The following ZHX2 variants were observed in gnomAD, a reference collection of about 807,000 sequenced individuals.
ZHX2 encodes the protein zinc fingers and homeoboxes 2.
A neutral mutation model predicts 21.9 loss-of-function variants in ZHX2; 6 were observed. The ratio of observed to expected loss-of-function variants is 0.27; its 90% CI spans 0.15 to 0.54. The LOEUF is 0.54. Among genes scored for constraint, ZHX2 ranks in the 20% least tolerant of loss-of-function variants. ZHX2 has a pLI of 0.95. For missense variants in ZHX2, 908 were observed against 1,090.7 expected (o/e 0.83, Z 2.36); for synonymous variants, 434 against 437.1 (o/e 0.99, Z 0.09).
At chr8:122,920,244 A>G (rs1354674343) in intron 2 of ZHX2, among the ~76,000 whole-genome samples, 1 of 152,226 alleles carries the variant, frequency 6.6e-6, no homozygotes, top group Non-Finnish European at 1.5e-5. Context: ...GTTGCACTCC[A>G]GCCTGAGCAA....
chr8:122,912,374 A>G (rs996778143), intron 2 of ZHX2, among the ~76,000 whole-genome samples: 2 of 152,190 alleles, frequency 1.3e-5, no homozygotes, highest in African/African-American at 2.4e-5. Flanking sequence ...TGGCCTTTCA[A>G]AGCAGCTCCT....
chr8:122,880,274 G>A (rs79757543), intron 2 of ZHX2, among the ~76,000 whole-genome samples: 4,118 of 151,998 alleles, frequency 0.027, 124 homozygotes, highest in African/African-American at 0.063. Context: ...GCACCCAGCT[G>A]TTATCTCATT....
intron 1 of ZHX2, among the ~76,000 whole-genome samples, chr8:122,784,169 G>A (rs546454610): frequency 6.6e-6 from 1 of 152,316 alleles, no homozygotes; most frequent in South Asian, 2.1e-4. Flanking sequence ...GCCCCACCCG[G>A]CGTTTCTCAT....
chr8:122,969,534 G>A (rs954955827), intron 3 of ZHX2, among the ~76,000 whole-genome samples: 2 of 151,990 alleles, frequency 1.3e-5, no homozygotes, highest in Non-Finnish European at 2.9e-5. Context: ...TTCTGCAAAC[G>A]AGTTATACGT....
chr8:122,899,148 C>T (rs543215166), intron 2 of ZHX2, among the ~76,000 whole-genome samples: 1 of 152,274 alleles, frequency 6.6e-6, no homozygotes, highest in South Asian at 2.1e-4. Context: ...CATACAGGTA[C>T]TCGTGAAATT....
At chr8:122,939,982 C>G (rs1235168035) in intron 2 of ZHX2, among the ~76,000 whole-genome samples, 1 of 152,172 alleles carries the variant, frequency 6.6e-6, no homozygotes, top group Non-Finnish European at 1.5e-5. Context: ...ACATCAGTGT[C>G]AAAGGTCCTC....
intron 1 of ZHX2, among the ~76,000 whole-genome samples, chr8:122,789,875 G>A (rs1258812936): frequency 6.6e-6 from 1 of 152,204 alleles, no homozygotes; most frequent in Non-Finnish European, 1.5e-5. Context: ...TTCTGAGTAT[G>A]TGGTGAATTT....
chr8:122,926,970 A>T (rs1820875117), intron 2 of ZHX2, among the ~76,000 whole-genome samples: 1 of 152,126 alleles, frequency 6.6e-6, no homozygotes, highest in South Asian at 2.1e-4. Context: ...ACTTCATCAC[A>T]TCTGCAGTAT....
chr8:122,955,186 G>A (rs1258517796), intron 3 of ZHX2, among the ~76,000 whole-genome samples: 7 of 150,528 alleles, frequency 4.7e-5, no homozygotes, highest in Admixed American at 2.7e-4. Context: ...AGTGCAAATC[G>A]AGGCCTGAAG....
chr8:122,955,552 G>T (rs1256996916), intron 3 of ZHX2, among the ~76,000 whole-genome samples: 3 of 152,098 alleles, frequency 2.0e-5, no homozygotes, highest in Admixed American at 1.3e-4. Context: ...CCTTGTTTTA[G>T]CCAGTTCCAT....
intron 1 of ZHX2, among the ~76,000 whole-genome samples, chr8:122,820,332 C>T (rs967065299): frequency 2.6e-5 from 4 of 152,078 alleles, no homozygotes; most frequent in Admixed American, 6.5e-5. Context: ...CCCTCAGAGG[C>T]GAGGAGATGG....
intron 2 of ZHX2, among the ~76,000 whole-genome samples, chr8:122,926,907 G>A (rs1257065548): frequency 2.0e-5 from 3 of 152,086 alleles, no homozygotes; most frequent in South Asian, 2.1e-4. Flanking sequence ...TGAGGATGGC[G>A]TTTAGGGCCC....
chr8:122,915,592 A>C (rs1393470224), intron 2 of ZHX2, among the ~76,000 whole-genome samples: 3 of 152,236 alleles, frequency 2.0e-5, no homozygotes, highest in Non-Finnish European at 2.9e-5. Context: ...CCTTGGCTTC[A>C]CGCTGCAAGA....
chr8:122,959,934 A>T (rs1374008177), intron 3 of ZHX2, among the ~76,000 whole-genome samples: 1 of 152,084 alleles, frequency 6.6e-6, no homozygotes, highest in Non-Finnish European at 1.5e-5. Context: ...CCTCATTTTC[A>T]GAGGAAGGAT....
Position 122,971,611 on chromosome 8 carries a change from C to CAAAAA in ZHX2, c.*5-1614_*5-1610dup, listed in dbSNP as rs56331425. ...ACTCTCCTTGCTGTTGGCCCCTGTA[C>CAAAAA]AAAAAAAAAAAAAAAAAAAAATTCC... On this transcript the variant is annotated intron_variant, in intron 3 of 3. Coordinates refer to ENST00000314393, the MANE Select transcript of ZHX2 (RefSeq NM_014943.5). Among the ~76,000 whole-genome samples, 151 of 81,786 alleles carry CAAAAA rather than the reference C, an allele frequency of 1.8e-3. 18 individuals are homozygous for CAAAAA. Among genetic ancestry groups the CAAAAA allele is most frequent in the South Asian group, 0.014 (28 of 2,000 alleles). 53.7% of individuals were successfully genotyped at this position (81,786 alleles called of 152,430 possible).
chr8:122,923,998 AAATTG>A (rs1820795730), intron 2 of ZHX2, among the ~76,000 whole-genome samples: 2 of 152,298 alleles, frequency 1.3e-5, no homozygotes, highest in South Asian at 4.1e-4. Flanking sequence ...CACATTGTCA[AAATTG>A]GCAGAATCAG....
chr8:122,903,543 A>G (rs571490737), intron 2 of ZHX2, among the ~76,000 whole-genome samples: 4 of 152,336 alleles, frequency 2.6e-5, no homozygotes, highest in Admixed American at 6.5e-5. Context: ...GGGAGCAGAC[A>G]TGTCAGGCAG....
chr8:122,883,206 C>G (rs1819757952), intron 2 of ZHX2, among the ~76,000 whole-genome samples: 1 of 152,120 alleles, frequency 6.6e-6, no homozygotes, highest in Admixed American at 6.5e-5. Flanking sequence ...ATACACCAAG[C>G]CTGGTTCCAC....
rs374124857 is a variant in ZHX2 at position 122,952,371 on chromosome 8, G to A, written c.861G>A (p.Pro287=). The A allele has an allele frequency of 2.0e-5, 33 of 1,614,040 alleles. No individual in the cohort carries two copies. In the East Asian group the frequency reaches 2.5e-4, roughly 12 times the overall value. ...ACTCTTTCAACAAGTTTCCTTACCCGACCCAGGCTGAGTTGTCCTGGCTGA... is the reference window on the plus strand; with the variant it reads ...ACTCTTTCAACAAGTTTCCTTACCCAACCCAGGCTGAGTTGTCCTGGCTGA... ...MINSFNKFPY[P]TQAELSWLTA... Residue 287 remains proline (P), a synonymous_variant, in exon 3 of 4, where the codon CCG becomes CCA. Coordinates refer to ENST00000314393, the MANE Select transcript of ZHX2 (RefSeq NM_014943.5). This position sits in a 1 kb window ranked among gnomAD's most constrained non-coding sequence, Gnocchi z 6.9.
Sources: allele counts gnomAD v4.1 joint callset (sites outside exome capture counted in the v4.1 genomes callset), GRCh38; gene constraint gnomAD v4.1.1; non-coding constraint Gnocchi (gnomAD v3.1); transcripts MANE v1.5; gene names NCBI Gene and HGNC (gene_info 2026-07-23, HGNC 2026-07-21).